The following CNTNAP5 variants were observed in gnomAD, a reference collection of about 807,000 sequenced individuals.
The protein encoded by CNTNAP5 is contactin associated protein family member 5, also known as contactin-associated protein-like 5.
CNTNAP5 carries 72 observed loss-of-function variants against 150.2 expected under a neutral mutation model. That is an observed-to-expected ratio of 0.48 (90% CI 0.40 to 0.58). The LOEUF (loss-of-function observed/expected upper bound fraction) is 0.58, where lower values mean the gene tolerates loss of function less well. Among genes scored for constraint, CNTNAP5 ranks in the 20% least tolerant of loss-of-function variants. The probability of loss-of-function intolerance (pLI) is 0.00; values close to 1 mark genes in which losing one functional copy is unlikely to be tolerated. For synonymous variants in CNTNAP5, 672 were observed against 619.8 expected (o/e 1.08, Z -1.25); for missense variants, 1,636 against 1,626.2 (o/e 1.01, Z -0.10).
chr2:124,289,249 G>A (rs1180612858), intron 3 of CNTNAP5, among the ~76,000 whole-genome samples: 13 of 152,174 alleles, frequency 8.5e-5, no homozygotes, highest in Non-Finnish European at 1.5e-4. Flanking sequence ...TTTTGGCAAA[G>A]AGCCAAAGTT....
intron 3 of CNTNAP5, among the ~76,000 whole-genome samples, chr2:124,261,443 G>A (rs972155084): frequency 6.6e-6 from 1 of 152,134 alleles, no homozygotes; most frequent in Non-Finnish European, 1.5e-5. Flanking sequence ...AGTGAGATTT[G>A]AGAGAAGGCA....
intron 13 of CNTNAP5, among the ~76,000 whole-genome samples, chr2:124,696,921 T>A (rs1333047492): frequency 6.6e-6 from 1 of 152,184 alleles, no homozygotes; most frequent in Non-Finnish European, 1.5e-5. Flanking sequence ...TTTCTCTTTT[T>A]AAATTCATGG....
At chr2:124,040,066 T>G (rs894603650) in intron 1 of CNTNAP5, among the ~76,000 whole-genome samples, 2 of 152,190 alleles carry the variant, frequency 1.3e-5, no homozygotes, top group African/African-American at 4.8e-5. Context: ...GTCATTTGGA[T>G]GGAAATTAAT....
intron 1 of CNTNAP5, among the ~76,000 whole-genome samples, chr2:124,113,502 A>ATGTGTGTG (rs1368941676): frequency 1.8e-5 from 2 of 108,942 alleles, no homozygotes; most frequent in East Asian, 3.1e-4. Flanking sequence ...ACTGATACAT[A>ATGTGTGTG]TATATGTGTG....
chr2:124,044,919 C>CAT (rs1273330370), intron 1 of CNTNAP5, among the ~76,000 whole-genome samples: 1 of 150,064 alleles, frequency 6.7e-6, no homozygotes, highest in Non-Finnish European at 1.5e-5. Context: ...CACACACACA[C>CAT]ACACACACAC....
intron 3 of CNTNAP5, among the ~76,000 whole-genome samples, chr2:124,362,799 CA>C (rs1690252318): frequency 1.3e-5 from 2 of 152,192 alleles, no homozygotes; most frequent in African/African-American, 4.8e-5. Flanking sequence ...AACTGCTTAA[CA>C]ATGGATTTTA....
chr2:124,353,458 C>T (rs944608153), intron 3 of CNTNAP5, among the ~76,000 whole-genome samples: 6 of 151,950 alleles, frequency 3.9e-5, no homozygotes, highest in African/African-American at 1.5e-4. Context: ...ATCACACATG[C>T]TCTGCAAACA....
chr2:124,200,382 G>A (rs928893594), intron 1 of CNTNAP5, among the ~76,000 whole-genome samples: 3 of 151,782 alleles, frequency 2.0e-5, no homozygotes, highest in Non-Finnish European at 2.9e-5. Flanking sequence ...TCATTGTTAT[G>A]GTTTTCTCAA....
At chr2:124,380,040 AAC>A (rs1401987178) in intron 3 of CNTNAP5, among the ~76,000 whole-genome samples, 3 of 152,114 alleles carry the variant, frequency 2.0e-5, no homozygotes, top group Non-Finnish European at 2.9e-5. Context: ...TGTGATTCTA[AAC>A]ACAGTTTATT....
chr2:124,408,080 G>C (rs990988563), intron 3 of CNTNAP5, among the ~76,000 whole-genome samples: 1 of 152,236 alleles, frequency 6.6e-6, no homozygotes, highest in African/African-American at 2.4e-5. Context: ...GGAAGCGCAA[G>C]GGGTCAGGGA....
At position 124,654,711 on chromosome 2, in the gene CNTNAP5, T is replaced by G. The variant is rs74699943; in HGVS notation, c.2077+6753T>G. 2.5e-3 allele frequency among the ~76,000 whole-genome samples: 382 copies of G among 152,186 alleles called. 7 individuals carry two copies. The East Asian group carries it at 0.029, about 11-fold the overall frequency. ...CACCACCTCTGCTCCCATATTTCTT[T>G]CCTTTCTTAATTCCCTCTTTCTTTC... On this transcript the variant is annotated intron_variant, in intron 13 of 23. Coordinates refer to ENST00000682447, the MANE Select transcript of CNTNAP5 (RefSeq NM_001367498.1).
At chr2:124,135,568 T>C (rs1473930355) in intron 1 of CNTNAP5, among the ~76,000 whole-genome samples, 1 of 152,200 alleles carries the variant, frequency 6.6e-6, no homozygotes, top group Non-Finnish European at 1.5e-5. Context: ...CTTACATTAA[T>C]CAAACAAGTG....
chr2:124,612,894 A>C (rs963341999), intron 12 of CNTNAP5, among the ~76,000 whole-genome samples: 3 of 152,026 alleles, frequency 2.0e-5, no homozygotes, highest in Admixed American at 2.0e-4. Flanking sequence ...CTCTACTAAA[A>C]ATACAAAAAT....
chr2:124,253,053 T>G (rs1020414292), intron 3 of CNTNAP5, among the ~76,000 whole-genome samples: 1 of 151,616 alleles, frequency 6.6e-6, no homozygotes, highest in African/African-American at 2.4e-5. Context: ...AAATTATATG[T>G]TTTTATATTT....
At chr2:124,599,461 TGC>T (rs886203331) in intron 11 of CNTNAP5, among the ~76,000 whole-genome samples, 5 of 152,184 alleles carry the variant, frequency 3.3e-5, no homozygotes, top group Admixed American at 1.3e-4. Context: ...TAGTTCTGTT[TGC>T]TGACACTATA....
chr2:124,269,231 G>A (rs1045103185), intron 3 of CNTNAP5, among the ~76,000 whole-genome samples: 1 of 151,960 alleles, frequency 6.6e-6, no homozygotes, highest in African/African-American at 2.4e-5. Context: ...ATGTGAATCT[G>A]GTCATCTATT....
chr2:124,272,246 A>G (rs1687777741), intron 3 of CNTNAP5, among the ~76,000 whole-genome samples: 1 of 152,150 alleles, frequency 6.6e-6, no homozygotes, highest in Admixed American at 6.5e-5. Context: ...CCAATTCCTG[A>G]TCTGGACTTC....
At chr2:124,257,695 C>A (rs1402857720) in intron 3 of CNTNAP5, among the ~76,000 whole-genome samples, 1 of 152,118 alleles carries the variant, frequency 6.6e-6, no homozygotes, top group African/African-American at 2.4e-5. Context: ...TGGAACAATT[C>A]TTCTCTAGAT....
chr2:124,295,579 G>T (rs1688406858), intron 3 of CNTNAP5, among the ~76,000 whole-genome samples: 1 of 152,224 alleles, frequency 6.6e-6, no homozygotes, highest in African/African-American at 2.4e-5. Flanking sequence ...TGTTGTTTCT[G>T]TGTGATACAA....
Sources: gnomAD v4.1 joint callset for allele counts (sites outside exome capture counted in the v4.1 genomes callset) on GRCh38, gnomAD v4.1.1 for gene constraint, MANE v1.5 for transcripts, NCBI Gene and HGNC (gene_info 2026-07-23, HGNC 2026-07-21) for gene names.